TMEM143: variants seen among roughly 807,000 people sequenced by gnomAD.
The protein encoded by TMEM143 is transmembrane protein 143.
Under a neutral mutation model 40.3 loss-of-function variants are expected in TMEM143, and 45 were observed. That is an observed-to-expected ratio of 1.12 (90% confidence interval 0.88 to 1.43). The LOEUF is 1.43. Among genes scored for constraint, TMEM143 ranks in the 40% most tolerant of loss-of-function variants. The pLI is 0.00. For missense variants in TMEM143, 620 were observed against 613.4 expected (o/e 1.01, Z -0.11); for synonymous variants, 299 against 282.7 (o/e 1.06, Z -0.58).
Position 48,342,716 on chromosome 19 carries a change from C to T in TMEM143, c.789G>A (p.Glu263=), listed in dbSNP as rs1293179251. ...SFKDTPLEGL[E]QLLPELKVRT... is the part of the protein sequence containing the mutation. ...GCACCTTCAGCTCCGGCAGCAGCTG[C>T]TCCAGGCCTTCCAGCGGCGTGTCCT... Residue 263 remains glutamate, a synonymous_variant, in exon 6 of 8, where the codon GAG becomes GAA. Coordinates refer to ENST00000293261, the MANE Select transcript of TMEM143 (RefSeq NM_018273.4). The T allele has an allele frequency of 4.2e-5, 67 of 1,614,062 alleles. No homozygotes were observed. Among genetic ancestry groups the T allele is most frequent in the Non-Finnish European group, 5.7e-5 (67 of 1,180,028 alleles).
chr19:48,358,386 A>G (rs575819180), intron 3 of TMEM143, among the ~76,000 whole-genome samples: 10 of 147,848 alleles, frequency 6.8e-5, no homozygotes, highest in African/African-American at 2.5e-4. Context: ...TCTGTCTCAG[A>G]AAAAAAAAAA....
intron 3 of TMEM143, among the ~76,000 whole-genome samples, chr19:48,355,728 G>A (rs1042071322): frequency 1.3e-5 from 2 of 152,182 alleles, no homozygotes; most frequent in Non-Finnish European, 2.9e-5. Flanking sequence ...AGAAAGGACC[G>A]GCCCTGGACC....
At chr19:48,357,449 G>A (rs570385612) in intron 3 of TMEM143, among the ~76,000 whole-genome samples, 1 of 150,032 alleles carries the variant, frequency 6.7e-6, no homozygotes, top group East Asian at 2.0e-4. Context: ...CGCCTCCCGG[G>A]TTCACGTCAT....
chr19:48,334,481 T>TC (rs55658420), intron 6 of TMEM143, among the ~76,000 whole-genome samples: 4 of 52,392 alleles, frequency 7.6e-5, no homozygotes, highest in East Asian at 4.9e-4. Context: ...TTTCTTTCTT[T>TC]TTCTTTCTTT....
chr19:48,339,146 A>G (rs1376932783), intron 6 of TMEM143, among the ~76,000 whole-genome samples: 1 of 152,076 alleles, frequency 6.6e-6, no homozygotes, highest in Non-Finnish European at 1.5e-5. Context: ...GAAGGGACCA[A>G]CTGGAGGCTG....
intron 2 of TMEM143, among the ~76,000 whole-genome samples, chr19:48,362,116 A>G (rs371625942): frequency 1.9e-4 from 29 of 152,104 alleles, no homozygotes; most frequent in African/African-American, 6.3e-4. Flanking sequence ...TTGTGTACAC[A>G]TATTTGTGTA....
intron 3 of TMEM143, among the ~76,000 whole-genome samples, chr19:48,356,917 TTTTTTG>T (rs1405068630): frequency 7.2e-5 from 9 of 125,110 alleles, no homozygotes; most frequent in African/African-American, 1.9e-4. Context: ...TTTTTTTTTT[TTTTTTG>T]AGATGGAGTC....
At chr19:48,334,437 T>A (rs1455210944) in intron 6 of TMEM143, among the ~76,000 whole-genome samples, 3 of 32,992 alleles carry the variant, frequency 9.1e-5, no homozygotes, top group African/African-American at 1.6e-4. Context: ...TTTCTTTCTT[T>A]CTTTCTTTCT....
Position 48,334,211 on chromosome 19 carries a change from A to G in TMEM143, c.976-14T>C, listed in dbSNP as rs892929098. On this transcript the variant is annotated splice_polypyrimidine_tract_variant and intron_variant, in intron 6 of 7. Transcript: ENST00000293261. ...CTGCCCGAACATCTGCAGGCGGGACAGCGCCCCGTGGGCTCAGTTCGGGGT... is the reference window on the plus strand; with the variant it reads ...CTGCCCGAACATCTGCAGGCGGGACGGCGCCCCGTGGGCTCAGTTCGGGGT... The G allele has an allele frequency of 1.9e-6, 3 of 1,584,078 alleles. No individual in the cohort carries two copies. The highest frequency in any genetic ancestry group is 1.7e-5 in the Admixed American group (1 of 57,606).
At chr19:48,363,148 C>T in intron 2 of TMEM143, 143 bp downstream of exon 2, 1 of 1,188,286 alleles carries the variant, frequency 8.4e-7, no homozygotes, top group East Asian at 2.6e-5. Context: ...CATCTCCCGC[C>T]CACTAGGGAA....
intron 6 of TMEM143, among the ~76,000 whole-genome samples, chr19:48,338,040 C>T (rs983473341): frequency 5.9e-5 from 9 of 152,232 alleles, no homozygotes; most frequent in East Asian, 1.9e-4. Context: ...TCAGCACTAC[C>T]GCTGCCCACA....
chr19:48,342,499 G>C, intron 6 of TMEM143, 31 bp downstream of exon 6: 1 of 1,574,098 alleles, frequency 6.4e-7, no homozygotes, highest in Non-Finnish European at 8.6e-7. Flanking sequence ...ACAGCGCAGG[G>C]CCGCAGGAGG....
chr19:48,347,855 C>CG (rs1969673424), intron 3 of TMEM143, among the ~76,000 whole-genome samples: 1 of 71,294 alleles, frequency 1.4e-5, no homozygotes, highest in Admixed American at 2.1e-4. Context: ...CGCATCTGGT[C>CG]TTTTTTTTTT....
chr19:48,346,085 TTTTC>T (rs1353354405), intron 3 of TMEM143, among the ~76,000 whole-genome samples: 2 of 149,574 alleles, frequency 1.3e-5, no homozygotes, highest in African/African-American at 4.9e-5. Context: ...CTCAGCCCTT[TTTTC>T]TTTTTCTTTC....
At chr19:48,356,944 A>T (rs180960712) in intron 3 of TMEM143, among the ~76,000 whole-genome samples, 3,447 of 99,076 alleles carry the variant, frequency 0.035, 71 homozygotes, top group Non-Finnish European at 0.045. Context: ...TCACTCTGTC[A>T]CCCAGGCTGG....
intron 3 of TMEM143, among the ~76,000 whole-genome samples, chr19:48,355,474 C>T (rs1205711427): frequency 1.3e-5 from 2 of 152,128 alleles, no homozygotes; most frequent in Non-Finnish European, 2.9e-5. Context: ...GGGCACAACC[C>T]GGGCCCTCTG....
In TMEM143 at chr19:48,363,439, C is replaced by T; in HGVS notation, c.116G>A (p.Gly39Glu). The stretch of plus-strand genomic sequence containing the variant: ...CAGCGATGAGAGGGCCCGGGGGGGC[C>T]CGAGGAGCGCGGGCAACAGTGGCCA... ...RVWPLLPALL[G>E]PPRALSSLAA... is the part of the protein sequence containing the mutation. The change falls in exon 2 of 8, where the codon GGG becomes GAG. Residue 39 changes from glycine (G) to glutamate (E), a missense_variant. By Grantham distance (98) the Gly-to-Glu change is moderately conservative. Transcript: ENST00000293261. The T allele has an allele frequency of 6.2e-7, 1 of 1,613,988 alleles. No individual in the cohort carries two copies. Among genetic ancestry groups the T allele is most frequent in the Non-Finnish European group, 8.5e-7 (1 of 1,179,996 alleles).
chr19:48,344,957 C>G (rs1969586390), intron 4 of TMEM143, among the ~76,000 whole-genome samples: 1 of 152,236 alleles, frequency 6.6e-6, no homozygotes, highest in Non-Finnish European at 1.5e-5. Context: ...ATCCACCCAC[C>G]TTGGACCCCC....
chr19:48,351,187 A>T (rs1969764876), intron 3 of TMEM143, among the ~76,000 whole-genome samples: 1 of 152,040 alleles, frequency 6.6e-6, no homozygotes, highest in South Asian at 2.1e-4. Flanking sequence ...CGATGCCCCA[A>T]ACCTGCTCCT....
Sources: allele counts gnomAD v4.1 joint callset (sites outside exome capture counted in the v4.1 genomes callset), GRCh38; gene constraint gnomAD v4.1.1; transcripts MANE v1.5; gene names NCBI Gene and HGNC (gene_info 2026-07-23, HGNC 2026-07-21).